ABCB1: variants seen among roughly 807,000 people sequenced by gnomAD.
ABCB1 encodes the protein ATP binding cassette subfamily B member 1.
A neutral mutation model predicts 142.0 loss-of-function variants in ABCB1; 69 were observed. The ratio of observed to expected loss-of-function variants is 0.49; its 90% confidence interval spans 0.40 to 0.59. The LOEUF (loss-of-function observed/expected upper bound fraction) is 0.59, where lower values mean the gene tolerates loss of function less well. Among genes scored for constraint, ABCB1 ranks in the 20% least tolerant of loss-of-function variants. ABCB1 has a pLI of 0.00. For missense variants in ABCB1, 1,326 were observed against 1,554.7 expected, an observed-to-expected ratio of 0.85 and a Z score of 2.47; for synonymous variants, 532 against 539.2, an observed-to-expected ratio of 0.99 and a Z score of 0.18.
intron 8 of ABCB1, 137 bp from the exon 9 acceptor site, chr7:87,554,069 C>A: frequency 1.3e-6 from 1 of 769,344 alleles, no homozygotes. Context: ...TACATTGACC[C>A]TATATAGTAG....
intron 1 of ABCB1, among the ~76,000 whole-genome samples, chr7:87,610,383 T>C (rs1819807453): frequency 6.9e-6 from 1 of 144,404 alleles, no homozygotes; most frequent in South Asian, 2.2e-4. Context: ...GACTACATAC[T>C]ACCACACCTG....
Position 87,608,852 on chromosome 7 carries a change from A to G in ABCB1, c.-330-7774T>C, listed in dbSNP as rs144168512. 1.2e-4 allele frequency among the ~76,000 whole-genome samples: 18 copies of G among 152,352 alleles called. No homozygotes were observed. The East Asian group carries it at 3.5e-3, about 29-fold the overall frequency. Reference sequence around the variant, plus strand: ...ATTTCCATATACAAGAAACACTGCTAGCAGACCAATGAACAGTTGGTTAGA... The same window carrying G: ...ATTTCCATATACAAGAAACACTGCTGGCAGACCAATGAACAGTTGGTTAGA... On this transcript the variant is annotated intron_variant, in intron 1 of 28. Coordinates refer to the ABCB1 transcript ENST00000265724.
chr7:87,579,463 T>C (rs1818416841), intron 4 of ABCB1, among the ~76,000 whole-genome samples: 1 of 152,210 alleles, frequency 6.6e-6, no homozygotes, highest in Admixed American at 6.5e-5. Flanking sequence ...TCAACTGAAA[T>C]TATCATATAT....
intron 21 of ABCB1, among the ~76,000 whole-genome samples, chr7:87,525,641 TAAGCGG>T (rs1356661825): frequency 6.6e-6 from 1 of 152,206 alleles, no homozygotes; most frequent in East Asian, 1.9e-4. Flanking sequence ...TACTATTCAT[TAAGCGG>T]AAGTGGATCA....
intron 1 of ABCB1, among the ~76,000 whole-genome samples, chr7:87,689,923 A>G (rs1211024279): frequency 6.6e-6 from 1 of 152,202 alleles, no homozygotes; most frequent in African/African-American, 2.4e-5. Flanking sequence ...CCAAATGTTT[A>G]TGTGTGTTTG....
At position 87,585,511 on chromosome 7, in the gene ABCB1, C is replaced by A. The variant is rs1818708278; in HGVS notation, c.286+1G>T. On this transcript the variant is annotated splice_donor_variant, in intron 4 of 27. Coordinates refer to ENST00000622132, the MANE Select transcript of ABCB1 (RefSeq NM_001348946.2). LOFTEE classifies it high-confidence loss of function. ...AAAATTGGTACACAAACAATACTTA[C>A]TTCTATTAGTGATGTTTGACATCAG... 6.2e-7 allele frequency: 1 copy of A among 1,613,236 alleles called. No homozygotes were observed.
At chr7:87,692,666 A>G (rs189994014) in intron 1 of ABCB1, among the ~76,000 whole-genome samples, 3 of 152,314 alleles carry the variant, frequency 2.0e-5, no homozygotes, top group Admixed American at 2.0e-4. Context: ...ATAAATCACA[A>G]ATAATATAGA....
chr7:87,646,752 A>T (rs1053345340), intron 1 of ABCB1, among the ~76,000 whole-genome samples: 2 of 152,122 alleles, frequency 1.3e-5, no homozygotes, highest in Non-Finnish European at 2.9e-5. Context: ...GATTGGCAGC[A>T]TTATTCTTGT....
At chr7:87,507,091 G>C in intron 26 of ABCB1, among the ~76,000 whole-genome samples, 1 of 152,176 alleles carries the variant, frequency 6.6e-6, no homozygotes, top group East Asian at 1.9e-4. Flanking sequence ...GCCACCTACA[G>C]GGTGAGGTAA....
intron 23 of ABCB1, among the ~76,000 whole-genome samples, chr7:87,518,658 T>C (rs28401786): frequency 4.3e-4 from 65 of 152,358 alleles, no homozygotes; most frequent in African/African-American, 1.5e-3. Flanking sequence ...AATTATGTTA[T>C]GCTATCAAGA....
At chr7:87,531,946 A>G (rs1298338058) in intron 20 of ABCB1, among the ~76,000 whole-genome samples, 1 of 152,192 alleles carries the variant, frequency 6.6e-6, no homozygotes, top group Non-Finnish European at 1.5e-5. Context: ...TTTAATTTGG[A>G]AAAAATACAG....
intron 1 of ABCB1, among the ~76,000 whole-genome samples, chr7:87,652,646 A>ATATATATATATATATATATATATATATAT (rs1563105075): frequency 5.4e-5 from 8 of 147,184 alleles, no homozygotes; most frequent in African/African-American, 1.8e-4. Context: ...ATATATATAT[A>ATATATATATATATATATATATATATATAT]GTAGGAAGTA....
At chr7:87,533,649 G>T (rs1816158350) in intron 20 of ABCB1, among the ~76,000 whole-genome samples, 1 of 152,216 alleles carries the variant, frequency 6.6e-6, no homozygotes, top group Non-Finnish European at 1.5e-5. Context: ...AGAAATATGG[G>T]GACTAAGAAG....
intron 1 of ABCB1, among the ~76,000 whole-genome samples, chr7:87,659,644 T>G (rs1824490200): frequency 6.6e-6 from 1 of 152,152 alleles, no homozygotes; most frequent in Non-Finnish European, 1.5e-5. Flanking sequence ...GTATTTATAG[T>G]GTAGATACAG....
At chr7:87,533,943 C>A (rs1230960108) in intron 20 of ABCB1, among the ~76,000 whole-genome samples, 1 of 152,132 alleles carries the variant, frequency 6.6e-6, no homozygotes, top group East Asian at 1.9e-4. Context: ...TGAGTGCAGC[C>A]ATCTTGGCAG....
chr7:87,609,368 A>G (rs1245110461), intron 1 of ABCB1, among the ~76,000 whole-genome samples: 2 of 152,068 alleles, frequency 1.3e-5, no homozygotes, highest in Non-Finnish European at 2.9e-5. Context: ...TTCTCTCTGG[A>G]TTCATAGATG....
At chr7:87,523,346 G>T (rs541797745) in intron 21 of ABCB1, among the ~76,000 whole-genome samples, 9 of 152,220 alleles carry the variant, frequency 5.9e-5, no homozygotes, top group African/African-American at 1.9e-4. Context: ...GAAAGTTTTG[G>T]GCTGGGTATG....
chr7:87,513,574 A>T (rs2117078841), intron 25 of ABCB1, among the ~76,000 whole-genome samples: 1 of 152,322 alleles, frequency 6.6e-6, no homozygotes, highest in African/African-American at 2.4e-5. Flanking sequence ...TTCTCATCAG[A>T]GAAGTTTGAG....
chr7:87,595,747 TA>T lies in ABCB1; in HGVS notation c.117+18del. On this transcript the variant is annotated intron_variant, in intron 3 of 27. Transcript: ENST00000622132. ...AAATTTCCGAAGTATTTTGAATAGTTAATAAATTCAAAACTCACCATTGAAA... is the reference window on the plus strand; with the variant it reads ...AAATTTCCGAAGTATTTTGAATAGTTATAAATTCAAAACTCACCATTGAAA... 6.3e-7 allele frequency: 1 copy of T among 1,580,916 alleles called. No homozygotes were observed. Among genetic ancestry groups the T allele is most frequent in the Non-Finnish European group, 8.7e-7 (1 of 1,150,478 alleles).
Sources: gnomAD v4.1 joint callset for allele counts (sites outside exome capture counted in the v4.1 genomes callset) on GRCh38, gnomAD v4.1.1 for gene constraint, MANE v1.5 for transcripts, NCBI Gene and HGNC (gene_info 2026-07-23, HGNC 2026-07-21) for gene names.